HDAC9: variants seen among roughly 807,000 people sequenced by gnomAD.
HDAC9 encodes the protein MEF-2 interacting transcription repressor (MITR) protein.
Under a neutral mutation model 139.4 loss-of-function variants are expected in HDAC9, and 41 were observed. That is an observed-to-expected ratio of 0.29 (90% CI 0.23 to 0.38). HDAC9 has a LOEUF of 0.38. HDAC9 is among the 10% of genes least tolerant of loss of function. The pLI is 1.00. For synonymous variants in HDAC9, 517 were observed against 476.2 expected (o/e 1.09, Z -1.12); for missense variants, 1,147 against 1,297.0 (o/e 0.88, Z 1.78).
chr7:18,964,434 A>G (rs1783720234), intron 24 of HDAC9, among the ~76,000 whole-genome samples: 1 of 152,190 alleles, frequency 6.6e-6, no homozygotes, highest in South Asian at 2.1e-4. Flanking sequence ...ATGTACTCAT[A>G]GAGCATGATC....
At chr7:18,995,368 A>G (rs990084029) in intron 25 of HDAC9, among the ~76,000 whole-genome samples, 21 of 152,348 alleles carry the variant, frequency 1.4e-4, no homozygotes, top group Admixed American at 4.6e-4. Context: ...GCACCCTGAA[A>G]GGGTTACTAA....
At chr7:18,771,381 A>G (rs1005469354) in intron 16 of HDAC9, among the ~76,000 whole-genome samples, 7 of 152,072 alleles carry the variant, frequency 4.6e-5, no homozygotes, top group African/African-American at 1.7e-4. Context: ...TTTAAGGCCC[A>G]TTTCAATTGC....
intron 16 of HDAC9, among the ~76,000 whole-genome samples, chr7:18,786,840 C>A (rs5022872): frequency 0.094 from 3,265 of 34,628 alleles, 129 homozygotes; most frequent in Non-Finnish European, 0.18. Flanking sequence ...TCCTTCATTC[C>A]TTCCTTCCTT....
chr7:18,113,424 C>T (rs775211871), intron 1 of HDAC9, among the ~76,000 whole-genome samples: 1 of 152,126 alleles, frequency 6.6e-6, no homozygotes, highest in Non-Finnish European at 1.5e-5. Flanking sequence ...ATTTCTTTTA[C>T]TTAGCTTTGC....
chr7:18,705,860 AAAATAAAATAAAATAAAAT>A (rs1259727446), intron 12 of HDAC9, among the ~76,000 whole-genome samples: 2 of 133,774 alleles, frequency 1.5e-5, no homozygotes, highest in Admixed American at 7.0e-5. Flanking sequence ...CTCAAAAAAA[AAAATAAAATAAAATAAAAT>A]AAAAGAAATG....
chr7:18,096,780 T>C (rs889768020), intron 1 of HDAC9, among the ~76,000 whole-genome samples: 12 of 152,194 alleles, frequency 7.9e-5, no homozygotes, highest in Admixed American at 7.2e-4. Context: ...AGGCAGGGAC[T>C]ATTTTGTTTT....
rs5882659 is a variant in HDAC9 at position 18,356,358 on chromosome 7, G to GTTTTTTTTTTT, written c.-42+65860_-42+65870dup. On this transcript the variant is annotated intron_variant, in intron 1 of 3. Transcript: ENST00000413509. The stretch of plus-strand genomic sequence containing the variant: ...GTAGCCTCTAGAGGGCAGCACATAG[G>GTTTTTTTTTTT]TTTTTTTTTTTTTTTTTTTTTTTTT... 5.8e-4 allele frequency among the ~76,000 whole-genome samples: 32 copies of GTTTTTTTTTTT among 55,160 alleles called. 4 individuals carry two copies. Among genetic ancestry groups the GTTTTTTTTTTT allele is most frequent in the South Asian group, 1.8e-3 (2 of 1,102 alleles). 36.2% of individuals were successfully genotyped at this position (55,160 alleles called of 152,430 possible). A position where few individuals can be genotyped will look rare whatever the true frequency, so the allele number is the denominator to read the frequency against.
chr7:18,642,407 A>C (rs1346088961), intron 8 of HDAC9, among the ~76,000 whole-genome samples: 3 of 152,076 alleles, frequency 2.0e-5, no homozygotes, highest in Admixed American at 2.0e-4. Flanking sequence ...CTGCAGAGTC[A>C]TACTCCCTGT....
intron 1 of HDAC9, among the ~76,000 whole-genome samples, chr7:18,303,005 G>GT (rs200968180): frequency 1.1e-4 from 17 of 150,138 alleles, no homozygotes; most frequent in South Asian, 4.2e-4. Context: ...TTTGTCAATT[G>GT]TTTTTTTTTA....
At chr7:18,824,461 T>G (rs1283284355) in intron 17 of HDAC9, among the ~76,000 whole-genome samples, 1 of 152,128 alleles carries the variant, frequency 6.6e-6, no homozygotes, top group African/African-American at 2.4e-5. Context: ...GATTGATGGA[T>G]AAGCAAACAT....
At chr7:18,739,567 C>G (rs994751110) in intron 13 of HDAC9, among the ~76,000 whole-genome samples, 3 of 152,160 alleles carry the variant, frequency 2.0e-5, no homozygotes, top group Admixed American at 1.3e-4. Context: ...ACTCCAGACC[C>G]TGTTTGCCTG....
chr7:18,621,125 G>C (rs1840095116), intron 6 of HDAC9, among the ~76,000 whole-genome samples: 2 of 151,846 alleles, frequency 1.3e-5, no homozygotes, highest in African/African-American at 4.8e-5. Context: ...TAATTGCTTG[G>C]GGAAAAACAT....
intron 22 of HDAC9, among the ~76,000 whole-genome samples, chr7:18,921,790 GCGGCA>G (rs891117904): frequency 3.9e-5 from 6 of 152,018 alleles, no homozygotes; most frequent in African/African-American, 1.5e-4. Context: ...TATGTTTATT[GCGGCA>G]CTATTCACAA....
At chr7:18,456,521 A>T (rs932815786) in intron 1 of HDAC9, among the ~76,000 whole-genome samples, 1 of 152,110 alleles carries the variant, frequency 6.6e-6, no homozygotes, top group African/African-American at 2.4e-5. Context: ...AGGTGGTAGC[A>T]ACCAAGCCCA....
At position 18,188,274 on chromosome 7, in the gene HDAC9, G is replaced by A. The variant is rs138802877; in HGVS notation, c.25+25925G>A. On this transcript the variant is annotated intron_variant, in intron 2 of 12. Transcript: ENST00000417496. ...AAGGATTTCCTGTTAAATAAATGGC[G>A]TTGGGAAAACTGGCTAGCTATATGC... Among the ~76,000 whole-genome samples the A allele has an allele frequency of 6.0e-4, 92 of 152,238 alleles. 1 individual carries two copies. The East Asian group carries it at 0.014, about 24-fold the overall frequency.
At chr7:18,333,207 A>C (rs976766488) in intron 1 of HDAC9, among the ~76,000 whole-genome samples, 2 of 151,540 alleles carry the variant, frequency 1.3e-5, no homozygotes, top group African/African-American at 4.8e-5. Context: ...TCAACTAGAG[A>C]TAGAAATAGA....
chr7:18,435,822 T>C (rs1791143080), intron 1 of HDAC9, among the ~76,000 whole-genome samples: 1 of 151,160 alleles, frequency 6.6e-6, no homozygotes, highest in Non-Finnish European at 1.5e-5. Flanking sequence ...AACATATGTC[T>C]AGACATGGAA....
chr7:18,175,179 C>A (rs989804439), intron 2 of HDAC9, among the ~76,000 whole-genome samples: 1 of 152,222 alleles, frequency 6.6e-6, no homozygotes, highest in African/African-American at 2.4e-5. Context: ...ACCCCTCCCC[C>A]CTGCCAGGCT....
At chr7:18,808,086 T>TACACAA (rs1453077426) in intron 17 of HDAC9, 1 of 152,200 alleles carries the variant, frequency 6.6e-6, no homozygotes, top group Non-Finnish European at 1.5e-5. Context: ...TGCAGCTACT[T>TACACAA]GTGTACCCTT....
Sources: allele counts gnomAD v4.1 joint callset (sites outside exome capture counted in the v4.1 genomes callset), GRCh38; gene constraint gnomAD v4.1.1; transcripts MANE v1.5; gene names NCBI Gene and HGNC (gene_info 2026-07-23, HGNC 2026-07-21).